MSRA: variants seen among roughly 807,000 people sequenced by gnomAD.
MSRA encodes the protein mitochondrial peptide methionine sulfoxide reductase.
In MSRA, 54 loss-of-function variants were observed where a neutral mutation model predicts 31.3. The ratio of observed to expected loss-of-function variants is 1.73; its 90% CI spans 1.39 to 2.17. MSRA has a LOEUF of 2.17. Among genes scored for constraint, MSRA ranks in the 30% most tolerant of loss-of-function variants. MSRA has a pLI of 0.00. For synonymous variants in MSRA, 169 were observed against 116.5 expected, an observed-to-expected ratio of 1.45 and a Z score of -2.90; for missense variants, 507 against 300.9, an observed-to-expected ratio of 1.69 and a Z score of -5.07.
At chr8:10,072,669 A>T (rs1230973024) in intron 1 of MSRA, among the ~76,000 whole-genome samples, 1 of 152,252 alleles carries the variant, frequency 6.6e-6, no homozygotes, top group Admixed American at 6.5e-5. Context: ...GGATTTTGAT[A>T]GGAATTGCAT....
intron 1 of MSRA, among the ~76,000 whole-genome samples, chr8:10,099,330 G>C (rs1404373920): frequency 6.6e-6 from 1 of 152,178 alleles, no homozygotes; most frequent in East Asian, 1.9e-4. Context: ...GGTATACACT[G>C]CTGAGGTCAT....
intron 1 of MSRA, among the ~76,000 whole-genome samples, chr8:10,062,868 T>C (rs1008101440): frequency 1.3e-5 from 2 of 152,230 alleles, no homozygotes; most frequent in African/African-American, 2.4e-5. Context: ...AGTGAGGCAC[T>C]GAGTTGTCAT....
At chr8:10,344,437 G>A (rs1803638827) in intron 5 of MSRA, among the ~76,000 whole-genome samples, 1 of 151,866 alleles carries the variant, frequency 6.6e-6, no homozygotes, top group Admixed American at 6.6e-5. Flanking sequence ...AGACAGGCGT[G>A]GTGGTGGGCT....
intron 5 of MSRA, among the ~76,000 whole-genome samples, chr8:10,418,815 T>TAACAAAA (rs1808632853): frequency 1.5e-5 from 1 of 66,036 alleles, no homozygotes; most frequent in Non-Finnish European, 2.5e-5. Flanking sequence ...TTACTACGAC[T>TAACAAAA]AAAAAAAAAA....
chr8:10,362,376 C>T (rs919615112), intron 5 of MSRA, among the ~76,000 whole-genome samples: 1 of 151,330 alleles, frequency 6.6e-6, no homozygotes, highest in Non-Finnish European at 1.5e-5. Flanking sequence ...CCTTTCTCCT[C>T]CTGCATTGTT....
At chr8:10,196,333 G>A (rs1477558010) in intron 1 of MSRA, among the ~76,000 whole-genome samples, 2 of 152,104 alleles carry the variant, frequency 1.3e-5, no homozygotes, top group African/African-American at 4.8e-5. Context: ...GTGACAGTAT[G>A]ACTTGGGTGA....
intron 1 of MSRA, among the ~76,000 whole-genome samples, chr8:10,138,458 C>G (rs1000546878): frequency 1.6e-4 from 25 of 152,116 alleles, no homozygotes; most frequent in African/African-American, 6.0e-4. Flanking sequence ...ACACAGCCCA[C>G]CAGTTTTCAA....
intron 1 of MSRA, among the ~76,000 whole-genome samples, chr8:10,075,108 C>G (rs188159737): frequency 6.6e-6 from 1 of 152,202 alleles, no homozygotes; most frequent in Admixed American, 6.5e-5. Flanking sequence ...CATATATTGT[C>G]TTTTTATTTA....
At chr8:10,326,536 G>C (rs1199898668) in intron 5 of MSRA, 1 of 152,174 alleles carries the variant, frequency 6.6e-6, no homozygotes, top group African/African-American at 2.4e-5. Context: ...TTCACGCTGG[G>C]TTTGCTGACC....
intron 3 of MSRA, among the ~76,000 whole-genome samples, chr8:10,260,991 GTTAC>G (rs957473064): frequency 2.9e-4 from 44 of 152,258 alleles, no homozygotes; most frequent in African/African-American, 7.9e-4. Context: ...CATGGAAATA[GTTAC>G]TTGTAAAATG....
Position 10,123,469 on chromosome 8 carries a change from T to C in MSRA, c.142+68811T>C, listed in dbSNP as rs182643405. Among the ~76,000 whole-genome samples, 547 of 152,308 alleles carry C rather than the reference T, an allele frequency of 3.6e-3. 6 individuals are homozygous for C. Among genetic ancestry groups the C allele is most frequent in the Admixed American group, 6.2e-3 (95 of 15,298 alleles). ...AAATTTTCTCCCATTCTGTAGGTTG[T>C]CTGTTTACTCTGTTGATAGTTTCTT... On this transcript the variant is annotated intron_variant, in intron 1 of 5. Transcript: ENST00000317173.
At chr8:10,091,393 A>G (rs1167247738) in intron 1 of MSRA, among the ~76,000 whole-genome samples, 1 of 152,234 alleles carries the variant, frequency 6.6e-6, no homozygotes, top group Non-Finnish European at 1.5e-5. Context: ...GTGATGTCAC[A>G]TATTGCAGAA....
At chr8:10,110,899 A>G (rs1340719731) in intron 1 of MSRA, among the ~76,000 whole-genome samples, 1 of 152,206 alleles carries the variant, frequency 6.6e-6, no homozygotes, top group African/African-American at 2.4e-5. Flanking sequence ...CAGACAGGAC[A>G]TGGTTCAGTT....
At chr8:10,219,348 G>T (rs1242278045) in intron 2 of MSRA, among the ~76,000 whole-genome samples, 1 of 152,106 alleles carries the variant, frequency 6.6e-6, no homozygotes, top group African/African-American at 2.4e-5. Flanking sequence ...ACTGTTCGTG[G>T]TTATCACTGC....
At chr8:10,412,132 G>T (rs954246769) in intron 5 of MSRA, among the ~76,000 whole-genome samples, 1 of 152,228 alleles carries the variant, frequency 6.6e-6, no homozygotes, top group Non-Finnish European at 1.5e-5. Context: ...ATAAAGAAGG[G>T]ATTGATGAAT....
At chr8:10,194,821 C>G (rs543820465) in intron 1 of MSRA, among the ~76,000 whole-genome samples, 1 of 152,326 alleles carries the variant, frequency 6.6e-6, no homozygotes, top group South Asian at 2.1e-4. Context: ...TACATCCCAG[C>G]CTGGCCCTCA....
At chr8:10,141,633 T>C (rs1212855899) in intron 1 of MSRA, among the ~76,000 whole-genome samples, 2 of 152,142 alleles carry the variant, frequency 1.3e-5, no homozygotes, top group Non-Finnish European at 2.9e-5. Context: ...CTAATTTTAA[T>C]GCAGTCAATG....
chr8:10,354,898 C>G (rs1268362652), intron 5 of MSRA, among the ~76,000 whole-genome samples: 1 of 152,050 alleles, frequency 6.6e-6, no homozygotes. Flanking sequence ...TCCAACATTT[C>G]CTGCTCATAA....
chr8:10,200,140 G>A (rs923109304), intron 1 of MSRA, among the ~76,000 whole-genome samples: 4 of 152,224 alleles, frequency 2.6e-5, no homozygotes, highest in African/African-American at 4.8e-5. Context: ...ATTACCAGCC[G>A]GGAGGTGTAT....
Sources: gnomAD v4.1 joint callset for allele counts (sites outside exome capture counted in the v4.1 genomes callset) on GRCh38, gnomAD v4.1.1 for gene constraint, MANE v1.5 for transcripts, NCBI Gene and HGNC (gene_info 2026-07-23, HGNC 2026-07-21) for gene names.